The following KDM4B variants were observed in gnomAD, a reference collection of about 807,000 sequenced individuals.
The protein encoded by KDM4B is lysine demethylase 4B.
A neutral mutation model predicts 125.2 loss-of-function variants in KDM4B; 32 were observed. That is an observed-to-expected ratio of 0.26 (90% CI 0.19 to 0.34). The LOEUF is 0.34. Among genes scored for constraint, KDM4B ranks in the 10% least tolerant of loss-of-function variants. KDM4B has a pLI of 1.00. For missense variants in KDM4B, 1,190 were observed against 1,577.7 expected (o/e 0.75, Z 4.16); for synonymous variants, 721 against 677.9 (o/e 1.06, Z -0.99).
chr19:5,022,685 G>A (rs2036161425), intron 2 of KDM4B, among the ~76,000 whole-genome samples: 1 of 152,098 alleles, frequency 6.6e-6, no homozygotes, highest in South Asian at 2.1e-4. Flanking sequence ...TGCCGCCTCT[G>A]TCTGTTGGTG....
intron 8 of KDM4B, among the ~76,000 whole-genome samples, chr19:5,080,057 C>A (rs1380554662): frequency 1.3e-5 from 2 of 152,242 alleles, no homozygotes; most frequent in Admixed American, 6.5e-5. Context: ...GTTCCCCCCC[C>A]ACCCCTATTT....
At chr19:5,085,640 C>T (rs534097363) in intron 9 of KDM4B, among the ~76,000 whole-genome samples, 45 of 152,338 alleles carry the variant, frequency 3.0e-4, no homozygotes, top group African/African-American at 9.1e-4. Flanking sequence ...TCCAGGCAGG[C>T]GCCCAGGGCC....
rs368035244 is a variant in KDM4B at position 5,151,303 on chromosome 19, G to A, written c.3115-32G>A. 372 of 1,477,942 alleles carry A rather than the reference G, an allele frequency of 2.5e-4. 1 individual carries two copies. Among genetic ancestry groups the A allele is most frequent in the Non-Finnish European group, 1.8e-4 (205 of 1,109,170 alleles). The allele number at this position is 1,477,942 out of a possible 1,614,324, so 91.6% of individuals were successfully genotyped here. A position where few individuals can be genotyped will look rare whatever the true frequency, so the allele number is the denominator to read the frequency against. On this transcript the variant is annotated intron_variant, in intron 22 of 22. Transcript: ENST00000159111. ...TGGGGCCGCACAGAGTGTCTCCACC[G>A]TGCTAACCACTGTGCTTCCGCTCTC... is the stretch of plus-strand genomic sequence containing the variant.
At chr19:5,139,153 G>T (rs937455954) in intron 18 of KDM4B, among the ~76,000 whole-genome samples, 2 of 152,138 alleles carry the variant, frequency 1.3e-5, no homozygotes, top group African/African-American at 4.8e-5. Flanking sequence ...GGAACTCCTG[G>T]CCTTGAGATC....
chr19:5,091,424 G>C (rs1057510995), intron 9 of KDM4B, among the ~76,000 whole-genome samples: 1 of 152,144 alleles, frequency 6.6e-6, no homozygotes, highest in Admixed American at 6.5e-5. Context: ...GTCTGGCAGG[G>C]AGAGCTTCTG....
intron 11 of KDM4B, among the ~76,000 whole-genome samples, chr19:5,128,618 G>A (rs908797252): frequency 6.6e-6 from 1 of 152,204 alleles, no homozygotes; most frequent in Non-Finnish European, 1.5e-5. Context: ...CGCTCGGGGT[G>A]AGGCGTGCGG....
chr19:5,151,868 A>G lies in KDM4B; in HGVS notation c.*357A>G, dbSNP rs1184809837. 4.4e-6 allele frequency: 1 copy of G among 228,574 alleles called. No homozygotes were observed. Among genetic ancestry groups the G allele is most frequent in the Non-Finnish European group, 8.5e-6 (1 of 117,998 alleles). 14.2% of individuals were successfully genotyped at this position (228,574 alleles called of 1,614,324 possible). A position where few individuals can be genotyped will look rare whatever the true frequency, so the allele number is the denominator to read the frequency against. On this transcript the variant is annotated 3_prime_UTR_variant, in exon 23 of 23. Transcript: ENST00000159111. ...CCACCTTTGTGAGGCTCTTTCTATAAATACATATTGTTTAAAAAAAAGCAA... is the reference window on the plus strand; with the variant it reads ...CCACCTTTGTGAGGCTCTTTCTATAGATACATATTGTTTAAAAAAAAGCAA...
Position 5,042,037 on chromosome 19 carries a change from G to A in KDM4B, c.432+786G>A, listed in dbSNP as rs1024377991. On this transcript the variant is annotated intron_variant, in intron 5 of 22. Coordinates refer to ENST00000159111, the MANE Select transcript of KDM4B (RefSeq NM_015015.3). ...TGGAGAACCTGAGGGAGACGCCCCC[G>A]ACATGGAGCCAGGCATAAGCCAGCC... Among the ~76,000 whole-genome samples the A allele has an allele frequency of 9.7e-4, 148 of 152,360 alleles. 2 individuals carry two copies. The highest frequency in any genetic ancestry group is 1.3e-4 in the Non-Finnish European group (9 of 68,020).
chr19:5,130,617 A>G (rs766856942), intron 11 of KDM4B, among the ~76,000 whole-genome samples: 2 of 152,280 alleles, frequency 1.3e-5, no homozygotes, highest in Non-Finnish European at 2.9e-5. Flanking sequence ...CTACATCAAC[A>G]GTAGAAATGT....
chr19:4,986,829 G>A (rs1406254542), intron 1 of KDM4B, among the ~76,000 whole-genome samples: 1 of 152,272 alleles, frequency 6.6e-6, no homozygotes, highest in East Asian at 1.9e-4. Context: ...TCACTGAGCT[G>A]GCAGGAGCAG....
chr19:5,116,622 A>G (rs1226973221), intron 10 of KDM4B, among the ~76,000 whole-genome samples: 1 of 152,126 alleles, frequency 6.6e-6, no homozygotes. Context: ...AGAGAAGGGG[A>G]CACCCTGCAT....
At chr19:4,980,385 C>T (rs1413769476) in intron 1 of KDM4B, among the ~76,000 whole-genome samples, 5 of 150,830 alleles carry the variant, frequency 3.3e-5, no homozygotes, top group East Asian at 1.9e-4. Context: ...GGTGTATCCA[C>T]GCATGGCATG....
At chr19:5,070,383 G>A (rs1457027173) in intron 6 of KDM4B, among the ~76,000 whole-genome samples, 4 of 152,204 alleles carry the variant, frequency 2.6e-5, no homozygotes, top group African/African-American at 7.2e-5. Flanking sequence ...CCCCCACTTC[G>A]CTTCGTGTGT....
rs532219642 is a variant in KDM4B, at chr19:5,065,076, C to T, written c.627-5934C>T. ...GGCGGGGTCCCTGGGGGTGCTGGGG[C>T]GTCAGCCAGGCAGGCAGTGCCCACA... On this transcript the variant is annotated intron_variant, in intron 6 of 22. Coordinates refer to ENST00000159111, the MANE Select transcript of KDM4B (RefSeq NM_015015.3). 5.0e-3 allele frequency among the ~76,000 whole-genome samples: 768 copies of T among 152,258 alleles called. 7 individuals are homozygous for T. Among genetic ancestry groups the T allele is most frequent in the African/African-American group, 0.018 (738 of 41,552 alleles).
At chr19:5,038,468 T>A (rs2036701050) in intron 3 of KDM4B, among the ~76,000 whole-genome samples, 1 of 152,208 alleles carries the variant, frequency 6.6e-6, no homozygotes. Flanking sequence ...GTCCTTTCCT[T>A]GGGACCAGCC....
intron 6 of KDM4B, among the ~76,000 whole-genome samples, chr19:5,048,826 C>T (rs531738198): frequency 3.9e-5 from 6 of 152,272 alleles, no homozygotes; most frequent in South Asian, 4.1e-4. Context: ...CCATAGGGAC[C>T]GTCTGCCCTG....
At chr19:5,072,713 T>C (rs1159717284) in intron 7 of KDM4B, among the ~76,000 whole-genome samples, 2 of 152,234 alleles carry the variant, frequency 1.3e-5, no homozygotes, top group Non-Finnish European at 2.9e-5. Flanking sequence ...ACAGAATTAA[T>C]GGCTGAAAAC....
chr19:5,086,433 C>T (rs2038499926), intron 9 of KDM4B, among the ~76,000 whole-genome samples: 1 of 152,314 alleles, frequency 6.6e-6, no homozygotes, highest in African/African-American at 2.4e-5. Context: ...CCTGTGACAG[C>T]CGGACGAAAC....
chr19:5,004,914 A>T (rs1369160841), intron 1 of KDM4B, among the ~76,000 whole-genome samples: 2 of 152,158 alleles, frequency 1.3e-5, no homozygotes, highest in African/African-American at 2.4e-5. Context: ...AACCAGGAGC[A>T]TCCCGGGCAA....
Sources: gnomAD v4.1 joint callset for allele counts (sites outside exome capture counted in the v4.1 genomes callset) on GRCh38, gnomAD v4.1.1 for gene constraint, MANE v1.5 for transcripts, NCBI Gene and HGNC (gene_info 2026-07-23, HGNC 2026-07-21) for gene names.